The following RXFP1 variants were observed in gnomAD, a reference collection of about 807,000 sequenced individuals.
RXFP1 encodes the protein relaxin receptor 1.
In RXFP1, 73 loss-of-function variants were observed where a neutral mutation model predicts 89.8. That is an observed-to-expected ratio of 0.81 (90% CI 0.67 to 0.99). The LOEUF (loss-of-function observed/expected upper bound fraction) is 0.99, where lower values mean the gene tolerates loss of function less well. Ranked by LOEUF, RXFP1 falls within the 50% of genes least tolerant of loss-of-function variation. The pLI, the probability that RXFP1 is intolerant of heterozygous loss-of-function variation, is 0.00. For synonymous variants in RXFP1, 277 were observed against 305.5 expected (o/e 0.91, Z 0.97); for missense variants, 793 against 895.5 (o/e 0.89, Z 1.46).
intron 1 of RXFP1, among the ~76,000 whole-genome samples, chr4:158,548,907 G>C (rs1394987813): frequency 1.3e-5 from 2 of 151,820 alleles, no homozygotes; most frequent in Non-Finnish European, 2.9e-5. Flanking sequence ...TTCAACTTTG[G>C]TGAATCTGAA....
intron 3 of RXFP1, 82 bp downstream of exon 3, chr4:158,593,581 AAG>A (rs1759957222): frequency 4.4e-6 from 3 of 687,894 alleles, no homozygotes; most frequent in Admixed American, 3.4e-5. Context: ...ATTTTAAAAA[AAG>A]ATTGCATCTC....
intron 1 of RXFP1, among the ~76,000 whole-genome samples, chr4:158,542,718 T>C (rs1747119650): frequency 6.6e-6 from 1 of 152,192 alleles, no homozygotes; most frequent in Admixed American, 6.5e-5. Flanking sequence ...CCTTCACCTT[T>C]TGGCAATCAT....
At chr4:158,543,096 C>T (rs35788162) in intron 1 of RXFP1, among the ~76,000 whole-genome samples, 19 of 152,044 alleles carry the variant, frequency 1.2e-4, no homozygotes, top group Non-Finnish European at 2.8e-4. Context: ...GAACATGTAC[C>T]CCTGAACCTA....
intron 2 of RXFP1, among the ~76,000 whole-genome samples, chr4:158,576,287 C>G (rs1211427342): frequency 2.0e-5 from 3 of 151,894 alleles, no homozygotes; most frequent in Admixed American, 2.0e-4. Flanking sequence ...TTGGCCAGGC[C>G]CAGTGACTCA....
intron 1 of RXFP1, among the ~76,000 whole-genome samples, chr4:158,548,416 T>A (rs1003149686): frequency 6.6e-6 from 1 of 152,248 alleles, no homozygotes; most frequent in African/African-American, 2.4e-5. Context: ...TTTGCCAGTC[T>A]GTGTCTTTTA....
chr4:158,521,913 G>A lies in RXFP1; in HGVS notation c.-64G>A, dbSNP rs1350856930. ...AGCACACAACCACTGTGAGCTGTAT[G>A]CGATTCAGAAACCAAGACCAAATTT... On this transcript the variant is annotated 5_prime_UTR_variant, in exon 1 of 18. It removes an upstream start codon present in the reference 5' UTR. Transcript: ENST00000307765. 3 of 1,065,652 alleles carry A rather than the reference G, an allele frequency of 2.8e-6. No individual in the cohort carries two copies. In the Admixed American group the frequency reaches 5.3e-5, roughly 19 times the overall value. The allele number at this position is 1,065,652 out of a possible 1,614,324, so 66.0% of individuals were successfully genotyped here.
At chr4:158,636,208 T>C (rs772621056) in intron 12 of RXFP1, among the ~76,000 whole-genome samples, 1 of 152,114 alleles carries the variant, frequency 6.6e-6, no homozygotes, top group South Asian at 2.1e-4. Context: ...CTGAGCAACA[T>C]AGCAAGTCCC....
intron 11 of RXFP1, among the ~76,000 whole-genome samples, chr4:158,631,867 A>G (rs1020967181): frequency 1.3e-5 from 2 of 152,132 alleles, no homozygotes; most frequent in African/African-American, 4.8e-5. Context: ...CTGAGACGGG[A>G]TGATCACTTG....
chr4:158,526,125 C>T (rs1357406297), intron 1 of RXFP1, among the ~76,000 whole-genome samples: 1 of 152,228 alleles, frequency 6.6e-6, no homozygotes, highest in Non-Finnish European at 1.5e-5. Flanking sequence ...CAAATCCATG[C>T]TAGGCGTTTA....
At chr4:158,648,466 A>G (rs758925852) in intron 16 of RXFP1, 33 bp from the exon 17 acceptor site, 2 of 1,221,444 alleles carry the variant, frequency 1.6e-6, no homozygotes, top group Admixed American at 2.2e-5. Flanking sequence ...AAATATTTCT[A>G]TGCATTAATA....
intron 9 of RXFP1, among the ~76,000 whole-genome samples, chr4:158,626,173 T>TAGATAGAC (rs1561158185): frequency 5.5e-5 from 8 of 145,866 alleles, no homozygotes; most frequent in African/African-American, 2.0e-4. Flanking sequence ...GATAGATAGA[T>TAGATAGAC]AGATGTAGAG....
intron 10 of RXFP1, among the ~76,000 whole-genome samples, chr4:158,628,279 T>C (rs1007785315): frequency 2.0e-5 from 3 of 152,172 alleles, no homozygotes; most frequent in African/African-American, 7.2e-5. Flanking sequence ...GTGGGTGGGC[T>C]ATTTTGTTAG....
chr4:158,635,929 G>A (rs1283762105), intron 12 of RXFP1, among the ~76,000 whole-genome samples: 1 of 151,946 alleles, frequency 6.6e-6, no homozygotes, highest in Non-Finnish European at 1.5e-5. Context: ...CAAGGCTCAT[G>A]CCATTCTCTC....
intron 5 of RXFP1, among the ~76,000 whole-genome samples, chr4:158,607,374 A>T (rs1416981372): frequency 6.6e-6 from 1 of 152,102 alleles, no homozygotes; most frequent in African/African-American, 2.4e-5. Flanking sequence ...TCCTCCAAAC[A>T]GTCTTTGGAA....
chr4:158,570,987 A>G (rs1754942100), intron 1 of RXFP1, among the ~76,000 whole-genome samples: 3 of 151,946 alleles, frequency 2.0e-5, no homozygotes, highest in Admixed American at 2.0e-4. Context: ...CCCTACTCTC[A>G]TGGGTGATTT....
At chr4:158,600,164 A>C (rs959966181) in intron 4 of RXFP1, among the ~76,000 whole-genome samples, 1 of 152,230 alleles carries the variant, frequency 6.6e-6, no homozygotes, top group African/African-American at 2.4e-5. Flanking sequence ...TTTTTCATTT[A>C]GATACCTTAG....
chr4:158,624,791 C>T (rs1766375526), intron 9 of RXFP1, among the ~76,000 whole-genome samples: 1 of 151,892 alleles, frequency 6.6e-6, no homozygotes, highest in South Asian at 2.1e-4. Context: ...CATATACAGG[C>T]CCATAGAAAC....
intron 14 of RXFP1, among the ~76,000 whole-genome samples, chr4:158,643,294 T>C (rs1226256705): frequency 1.3e-5 from 2 of 152,088 alleles, no homozygotes; most frequent in African/African-American, 2.4e-5. Flanking sequence ...GGCTGCTTTT[T>C]ATTAAAAGAG....
intron 4 of RXFP1, among the ~76,000 whole-genome samples, chr4:158,603,085 C>A (rs1462031564): frequency 6.6e-6 from 1 of 152,134 alleles, no homozygotes; most frequent in African/African-American, 2.4e-5. Context: ...CATGCACCAC[C>A]ATGCCCAGCT....
Sources: allele counts gnomAD v4.1 joint callset (sites outside exome capture counted in the v4.1 genomes callset), GRCh38; gene constraint gnomAD v4.1.1; transcripts MANE v1.5; gene names NCBI Gene and HGNC (gene_info 2026-07-23, HGNC 2026-07-21).